PTPN14: variants seen among roughly 807,000 people sequenced by gnomAD.
PTPN14 encodes the protein protein tyrosine phosphatase non-receptor type 14.
Under a neutral mutation model 126.8 loss-of-function variants are expected in PTPN14, and 53 were observed. That is an observed-to-expected ratio of 0.42 (90% confidence interval 0.34 to 0.53). The LOEUF (loss-of-function observed/expected upper bound fraction) is 0.53, where lower values mean the gene tolerates loss of function less well. Ranked by LOEUF, PTPN14 falls within the 20% of genes least tolerant of loss-of-function variation. The pLI is 0.08. For synonymous variants in PTPN14, 630 were observed against 599.3 expected, an observed-to-expected ratio of 1.05 and a Z score of -0.75; for missense variants, 1,257 against 1,552.9, an observed-to-expected ratio of 0.81 and a Z score of 3.20.
chr1:214,436,492 GA>G (rs1659918999), intron 3 of PTPN14, among the ~76,000 whole-genome samples: 1 of 152,188 alleles, frequency 6.6e-6, no homozygotes, highest in Non-Finnish European at 1.5e-5. Flanking sequence ...GTAAGTGTGA[GA>G]TTTTTGGTTA....
rs1658511830 is a variant in PTPN14 at position 214,383,127 on chromosome 1, G to A, written c.2544+184C>T. Among the ~76,000 whole-genome samples, 1 of 152,228 alleles carries A rather than the reference G, an allele frequency of 6.6e-6. No individual in the cohort carries two copies. The highest frequency in any genetic ancestry group is 2.4e-5 in the African/African-American group (1 of 41,456). On this transcript the variant is annotated intron_variant, in intron 13 of 18. Coordinates refer to ENST00000366956, the MANE Select transcript of PTPN14 (RefSeq NM_005401.5). This position sits in a 1 kb window ranked among gnomAD's most constrained non-coding sequence, Gnocchi z 4.4. ...AGTACACCTGTTAGAAGCCACAAAT[G>A]AGAATGGAAGATTTATCTGAAAGGG...
chr1:214,464,503 A>G (rs1660582740), intron 2 of PTPN14, 127 bp downstream of exon 2: 2 of 1,251,642 alleles, frequency 1.6e-6, no homozygotes. Flanking sequence ...TTATAAACAC[A>G]TCGTCGCTTA....
chr1:214,488,819 T>C (rs1661170788), intron 1 of PTPN14, among the ~76,000 whole-genome samples: 2 of 152,362 alleles, frequency 1.3e-5, no homozygotes, highest in East Asian at 1.9e-4. Flanking sequence ...TGTAATATTA[T>C]TGCCTTTTCC....
At chr1:214,471,077 C>CT (rs528664184) in intron 1 of PTPN14, among the ~76,000 whole-genome samples, 316 of 139,854 alleles carry the variant, frequency 2.3e-3, no homozygotes, top group Middle Eastern at 7.2e-3. Context: ...CCCCCTAAAT[C>CT]TTTTTTTTTT....
At chr1:214,458,038 T>TAG (rs1335195820) in intron 2 of PTPN14, among the ~76,000 whole-genome samples, 106 of 146,200 alleles carry the variant, frequency 7.3e-4, no homozygotes, top group African/African-American at 2.2e-3. Context: ...TATCTATACC[T>TAG]AGAGAGAGAG....
chr1:214,367,616 G>C (rs1571953287), intron 17 of PTPN14, among the ~76,000 whole-genome samples: 2 of 152,222 alleles, frequency 1.3e-5, no homozygotes, highest in East Asian at 3.9e-4. Context: ...CCACTAGCTG[G>C]AGAGTCAACA....
In PTPN14 at chr1:214,447,675, A is replaced by G. The variant is rs368114984; in HGVS notation, c.344+4130T>C. Among the ~76,000 whole-genome samples the G allele has an allele frequency of 2.0e-5, 3 of 152,200 alleles. No individual in the cohort carries two copies. In the East Asian group the frequency reaches 5.8e-4, roughly 29 times the overall value. The stretch of plus-strand genomic sequence containing the variant: ...TTTTAGGGCCCCTTGGAGGCAACAA[A>G]AATTTCTGCAATGCTGCAAACATAC... On this transcript the variant is annotated intron_variant, in intron 3 of 18. Coordinates refer to ENST00000366956, the MANE Select transcript of PTPN14 (RefSeq NM_005401.5).
At chr1:214,544,603 A>T (rs182455787) in intron 1 of PTPN14, among the ~76,000 whole-genome samples, 1 of 152,178 alleles carries the variant, frequency 6.6e-6, no homozygotes, top group Non-Finnish European at 1.5e-5. Context: ...TTTAAAAATT[A>T]GCCAGGTGTG....
At chr1:214,485,866 C>T (rs1388977547) in intron 1 of PTPN14, among the ~76,000 whole-genome samples, 1 of 152,110 alleles carries the variant, frequency 6.6e-6, no homozygotes, top group Admixed American at 6.5e-5. Flanking sequence ...GCTGGGACTA[C>T]AGGCGCCCGC....
At chr1:214,417,580 A>AT (rs1356337961) in intron 3 of PTPN14, among the ~76,000 whole-genome samples, 1 of 152,202 alleles carries the variant, frequency 6.6e-6, no homozygotes, top group African/African-American at 2.4e-5. Flanking sequence ...GCCCATAACA[A>AT]TATCTTCAAC....
chr1:214,506,771 G>C (rs543382541), intron 1 of PTPN14, among the ~76,000 whole-genome samples: 36 of 151,894 alleles, frequency 2.4e-4, no homozygotes, highest in African/African-American at 8.0e-4. Context: ...TGAGGGGAGG[G>C]AGACCTCGAA....
At position 214,384,653 on chromosome 1, in the gene PTPN14, T is replaced by A; in HGVS notation, c.1202A>T (p.Gln401Leu). The A allele has an allele frequency of 1.9e-6, 3 of 1,614,102 alleles. No individual in the cohort carries two copies. Among genetic ancestry groups the A allele is most frequent in the Non-Finnish European group, 2.5e-6 (3 of 1,180,022 alleles). ...VHSVNSLNCS[Q>L]SFIQASPVSS... ...TACAGGGGAGGCCTGGATGAAACTT[T>A]GCGAGCAGTTGAGGGAGTTGACGCT... Residue 401 changes from glutamine to leucine, a missense_variant, in exon 13 of 19, where the codon CAA becomes CTA. By Grantham distance (113) the Gln-to-Leu change is moderately radical. This residue lies in a region of PTPN14 where 1,021 missense variants were observed against 1,183.3 expected (regional missense o/e 0.86). Coordinates refer to ENST00000366956, the MANE Select transcript of PTPN14 (RefSeq NM_005401.5). The surrounding 1 kb of genome is among the most constrained non-coding windows in gnomAD (Gnocchi z 5.3).
intron 11 of PTPN14, among the ~76,000 whole-genome samples, chr1:214,387,396 G>A (rs915861455): frequency 1.3e-5 from 2 of 152,086 alleles, no homozygotes; most frequent in Admixed American, 6.5e-5. Flanking sequence ...CCTGTAGTCC[G>A]AGCTACTCGC....
At chr1:214,458,402 T>C (rs1169530565) in intron 2 of PTPN14, among the ~76,000 whole-genome samples, 1 of 152,016 alleles carries the variant, frequency 6.6e-6, no homozygotes, top group African/African-American at 2.4e-5. Flanking sequence ...TACAAAAGGG[T>C]GACAGCCCAG....
At chr1:214,536,270 T>C (rs1354051289) in intron 1 of PTPN14, among the ~76,000 whole-genome samples, 1 of 151,904 alleles carries the variant, frequency 6.6e-6, no homozygotes, top group Non-Finnish European at 1.5e-5. Flanking sequence ...TGGCACAGGA[T>C]GTTGGCATAC....
intron 1 of PTPN14, chr1:214,530,407 T>C (rs916136470): frequency 3.3e-5 from 5 of 149,882 alleles, no homozygotes; most frequent in Non-Finnish European, 4.4e-5. Context: ...AGTGGTAGGA[T>C]CTCAGCTTAT....
Position 214,476,584 on chromosome 1 carries a change from C to T in PTPN14, c.-154-11627G>A, listed in dbSNP as rs116445975. ...ATCCAAACAGTGAGCAGCAGCTAAG[C>T]CACTCTGCCAGCTCTCTCCATCTGG... On this transcript the variant is annotated intron_variant, in intron 1 of 18. Coordinates refer to ENST00000366956, the MANE Select transcript of PTPN14 (RefSeq NM_005401.5). 2.6e-3 allele frequency among the ~76,000 whole-genome samples: 392 copies of T among 152,308 alleles called. 4 individuals carry two copies. The highest frequency in any genetic ancestry group is 9.2e-3 in the African/African-American group (383 of 41,568).
intron 1 of PTPN14, among the ~76,000 whole-genome samples, chr1:214,495,983 C>T (rs1654484283): frequency 6.6e-6 from 1 of 152,158 alleles, no homozygotes; most frequent in African/African-American, 2.4e-5. Flanking sequence ...ACATGAGCCA[C>T]CACACTCGGC....
intron 13 of PTPN14, among the ~76,000 whole-genome samples, chr1:214,381,887 T>C (rs1465735227): frequency 2.0e-5 from 3 of 152,202 alleles, no homozygotes; most frequent in South Asian, 2.1e-4. Context: ...AAAATGTTCA[T>C]GGCAAGCAGC....
Sources: allele counts gnomAD v4.1 joint callset (sites outside exome capture counted in the v4.1 genomes callset), GRCh38; gene constraint gnomAD v4.1.1; regional missense constraint gnomAD v4.1.1; non-coding constraint Gnocchi (gnomAD v3.1); transcripts MANE v1.5; gene names NCBI Gene and HGNC (gene_info 2026-07-23, HGNC 2026-07-21).